SV2C: variants seen among roughly 807,000 people sequenced by gnomAD.
SV2C encodes synaptic vesicle glycoprotein 2C.
SV2C carries 49 observed loss-of-function variants against 79.7 expected under a neutral mutation model. That is an observed-to-expected ratio of 0.61 (90% CI 0.49 to 0.78). SV2C has a LOEUF of 0.78. Ranked by LOEUF, SV2C falls within the 30% of genes least tolerant of loss-of-function variation. The probability of loss-of-function intolerance (pLI) is 0.00; values close to 1 mark genes in which losing one functional copy is unlikely to be tolerated. For missense variants in SV2C, 833 were observed against 912.9 expected (o/e 0.91, Z 1.13); for synonymous variants, 334 against 333.2 (o/e 1.00, Z -0.03).
At chr5:75,992,415 T>TCCCCAACA in the SV2C span, among the ~76,000 whole-genome samples, 1 of 152,028 alleles carries the variant, frequency 6.6e-6, no homozygotes, top group East Asian at 1.9e-4. Context: ...ACTGTCATAG[T>TCCCCAACA]TTAGTTAATA....
intron 4 of SV2C, among the ~76,000 whole-genome samples, chr5:76,270,583 C>T (rs1746815184): frequency 6.6e-6 from 1 of 152,070 alleles, no homozygotes; most frequent in African/African-American, 2.4e-5. Flanking sequence ...CAAGGTAATA[C>T]AAAATGGCAG....
chr5:76,187,529 G>A (rs1439032902), intron 2 of SV2C, among the ~76,000 whole-genome samples: 1 of 152,126 alleles, frequency 6.6e-6, no homozygotes, highest in Non-Finnish European at 1.5e-5. Flanking sequence ...GCTGGCTTTT[G>A]TGGTAAATAT....
chr5:76,049,764 C>T, the SV2C span, among the ~76,000 whole-genome samples: 2 of 152,244 alleles, frequency 1.3e-5, no homozygotes, highest in Admixed American at 1.3e-4. Context: ...CAAAGAAAAC[C>T]AGTGTTTCAA....
chr5:76,047,228 C>A, the SV2C span, among the ~76,000 whole-genome samples: 1 of 152,180 alleles, frequency 6.6e-6, no homozygotes, highest in Non-Finnish European at 1.5e-5. Context: ...CCCAGCCCCC[C>A]AGAAGCCCTC....
intron 4 of SV2C, among the ~76,000 whole-genome samples, chr5:76,247,014 A>C (rs1390847642): frequency 6.6e-6 from 1 of 152,224 alleles, no homozygotes; most frequent in Non-Finnish European, 1.5e-5. Flanking sequence ...CAAAGAAATG[A>C]TTAGGAATGA....
the SV2C span, among the ~76,000 whole-genome samples, chr5:75,973,004 T>C: frequency 6.6e-6 from 1 of 151,912 alleles, no homozygotes; most frequent in African/African-American, 2.4e-5. Flanking sequence ...GCTATAAAAA[T>C]GATGAGTTCA....
chr5:75,876,059 C>A, the SV2C span, among the ~76,000 whole-genome samples: 3 of 149,792 alleles, frequency 2.0e-5, no homozygotes, highest in Admixed American at 1.3e-4. Context: ...CCCAGCAATG[C>A]AATTACTGGG....
chr5:76,090,464 A>T (rs957815832), intron 1 of SV2C, among the ~76,000 whole-genome samples: 3 of 152,162 alleles, frequency 2.0e-5, no homozygotes, highest in Non-Finnish European at 4.4e-5. Flanking sequence ...ATAATTAACT[A>T]AACCAAGTAA....
rs374162285 is a variant in SV2C at position 76,131,960 on chromosome 5, C to T, written c.210C>T (p.Asn70=). The part of the protein sequence containing the change: ...PAGETYNGEA[N]DDEGSSEATE... The stretch of plus-strand genomic sequence containing the variant: ...GAGAAACCTATAATGGTGAGGCCAA[C>T]GATGACGAAGGCTCAAGTGAAGCCA... Residue 70 remains asparagine (N), a synonymous_variant, in exon 2 of 13, where the codon AAC becomes AAT. Coordinates refer to ENST00000502798, the MANE Select transcript of SV2C (RefSeq NM_014979.4). 2.2e-5 allele frequency: 35 copies of T among 1,613,698 alleles called. No homozygotes were observed. In the Admixed American group the frequency reaches 2.3e-4, roughly 11 times the overall value.
the SV2C span, among the ~76,000 whole-genome samples, chr5:75,956,153 C>T: frequency 7.0e-6 from 1 of 143,340 alleles, no homozygotes; most frequent in Non-Finnish European, 1.5e-5. Context: ...ACCCAAATGT[C>T]CAACAATGAT....
At chr5:75,911,069 C>G in the SV2C span, 8 of 1,294,388 alleles carry the variant, frequency 6.2e-6, no homozygotes, top group African/African-American at 4.4e-5. Context: ...AACTGAAGAT[C>G]TGGAACCTGA....
chr5:76,151,991 G>C (rs928111173), intron 2 of SV2C, among the ~76,000 whole-genome samples: 1 of 152,202 alleles, frequency 6.6e-6, no homozygotes, highest in African/African-American at 2.4e-5. Flanking sequence ...AGCTACAGAC[G>C]GAGCTTTAGT....
the SV2C span, chr5:76,075,609 C>CCAAGCTGT: frequency 1.6e-5 from 3 of 191,318 alleles, no homozygotes; most frequent in Non-Finnish European, 3.6e-5. Context: ...GAAGACATGT[C>CCAAGCTGT]CAAGCTGTCC....
chr5:75,874,015 A>G, the SV2C span, among the ~76,000 whole-genome samples: 2 of 152,330 alleles, frequency 1.3e-5, no homozygotes, highest in South Asian at 4.1e-4. Context: ...AAACTATTCC[A>G]GAAAATTGAG....
rs762423279 is a variant in SV2C, at chr5:76,285,229, A to G, written c.981A>G (p.Ala327=). Residue 327 remains alanine, a synonymous_variant, in exon 5 of 13, where the codon GCA becomes GCG. Transcript: ENST00000502798. The part of the protein sequence containing the change: ...HSWRVFVIVC[A]LPCVSSVVAL... The stretch of plus-strand genomic sequence containing the variant: ...GGCGTGTGTTTGTCATCGTCTGTGC[A>G]CTCCCCTGTGTCTCCTCCGTGGTGG... 16 of 1,613,400 alleles carry G rather than the reference A, an allele frequency of 9.9e-6. No homozygotes were observed. The East Asian group carries it at 2.0e-4, about 20-fold the overall frequency.
the SV2C span, among the ~76,000 whole-genome samples, chr5:75,945,151 A>G: frequency 6.6e-6 from 1 of 152,138 alleles, no homozygotes; most frequent in African/African-American, 2.4e-5. Context: ...GGGTAAGAAG[A>G]TACAAGTTCC....
the SV2C span, among the ~76,000 whole-genome samples, chr5:76,012,209 ATT>A: frequency 6.6e-6 from 1 of 152,142 alleles, no homozygotes; most frequent in Non-Finnish European, 1.5e-5. Context: ...GGTTGAACTA[ATT>A]TACACTCCCA....
chr5:76,190,907 A>C (rs1744079624), intron 2 of SV2C, among the ~76,000 whole-genome samples: 1 of 152,164 alleles, frequency 6.6e-6, no homozygotes, highest in Non-Finnish European at 1.5e-5. Flanking sequence ...TGACTCAAAA[A>C]TTTTGTTTTA....
chr5:76,208,268 C>T (rs1744668279), intron 3 of SV2C, among the ~76,000 whole-genome samples: 6 of 152,140 alleles, frequency 3.9e-5, no homozygotes, highest in Admixed American at 3.9e-4. Context: ...GATACTTATG[C>T]TTATCCTTAT....
Sources: allele counts gnomAD v4.1 joint callset (sites outside exome capture counted in the v4.1 genomes callset), GRCh38; gene constraint gnomAD v4.1.1; transcripts MANE v1.5; gene names NCBI Gene and HGNC (gene_info 2026-07-23, HGNC 2026-07-21).